ZDHHC17: variants seen among roughly 807,000 people sequenced by gnomAD.
The protein encoded by ZDHHC17 is palmitoyltransferase ZDHHC17.
Under a neutral mutation model 90.3 loss-of-function variants are expected in ZDHHC17, and 40 were observed. That is an observed-to-expected ratio of 0.44 (90% CI 0.34 to 0.58). The LOEUF (loss-of-function observed/expected upper bound fraction) is 0.58, where lower values mean the gene tolerates loss of function less well. ZDHHC17 is among the 20% of genes least tolerant of loss of function. The pLI, the probability that ZDHHC17 is intolerant of heterozygous loss-of-function variation, is 0.01. For missense variants in ZDHHC17, 614 were observed against 780.8 expected (o/e 0.79, Z 2.55); for synonymous variants, 235 against 252.4 (o/e 0.93, Z 0.65).
intron 10 of ZDHHC17, among the ~76,000 whole-genome samples, chr12:76,837,262 A>G (rs1020236202): frequency 6.6e-5 from 10 of 152,176 alleles, no homozygotes; most frequent in Admixed American, 6.5e-4. Context: ...CAGACTCTCA[A>G]GTAGCTAGGA....
intron 1 of ZDHHC17, among the ~76,000 whole-genome samples, chr12:76,771,119 G>A (rs1236165704): frequency 2.0e-5 from 3 of 151,558 alleles, no homozygotes; most frequent in Non-Finnish European, 4.4e-5. Flanking sequence ...TTTTAATTTT[G>A]GAATTTGAAA....
At chr12:76,825,528 A>C (rs917057660) in intron 8 of ZDHHC17, among the ~76,000 whole-genome samples, 1 of 152,216 alleles carries the variant, frequency 6.6e-6, no homozygotes, top group Non-Finnish European at 1.5e-5. Context: ...GTTCATACTT[A>C]TTAGAAAAAA....
chr12:76,823,605 C>T (rs1207758842), intron 8 of ZDHHC17, among the ~76,000 whole-genome samples: 1 of 152,092 alleles, frequency 6.6e-6, no homozygotes, highest in Non-Finnish European at 1.5e-5. Context: ...TTTTGTATAT[C>T]GTGTTTAGGC....
At chr12:76,827,908 T>G (rs888918495) in intron 9 of ZDHHC17, among the ~76,000 whole-genome samples, 1 of 152,116 alleles carries the variant, frequency 6.6e-6, no homozygotes, top group Non-Finnish European at 1.5e-5. Flanking sequence ...AACACAACTC[T>G]TCAGTTTCAC....
intron 2 of ZDHHC17, among the ~76,000 whole-genome samples, chr12:76,798,280 A>G (rs1175564417): frequency 6.6e-6 from 1 of 152,210 alleles, no homozygotes; most frequent in Non-Finnish European, 1.5e-5. Context: ...ATACCAGATT[A>G]TCAGTCTTCG....
At chr12:76,850,459 CTG>C (rs1162657771) in intron 16 of ZDHHC17, among the ~76,000 whole-genome samples, 8 of 152,208 alleles carry the variant, frequency 5.3e-5, no homozygotes, top group African/African-American at 1.9e-4. Context: ...TGGTGCATGT[CTG>C]TAGTCCTAGC....
At position 76,832,354 on chromosome 12, in the gene ZDHHC17, T is replaced by G. The variant is rs1189672026; in HGVS notation, c.1141+3864T>G. 2.0e-5 allele frequency among the ~76,000 whole-genome samples: 3 copies of G among 152,260 alleles called. 1 individual carries two copies. The highest frequency in any genetic ancestry group is 7.2e-5 in the African/African-American group (3 of 41,480). Reference sequence around the variant, plus strand: ...TTCTTGTGCAACTCATGGCTACATATGTAATTAAAACTGATTAGACTAGTT... The same window carrying G: ...TTCTTGTGCAACTCATGGCTACATAGGTAATTAAAACTGATTAGACTAGTT... On this transcript the variant is annotated intron_variant, in intron 10 of 16. Coordinates refer to ENST00000426126, the MANE Select transcript of ZDHHC17 (RefSeq NM_015336.4).
intron 10 of ZDHHC17, among the ~76,000 whole-genome samples, chr12:76,833,837 A>G (rs1953332850): frequency 6.6e-6 from 1 of 152,106 alleles, no homozygotes; most frequent in Admixed American, 6.6e-5. Flanking sequence ...TCTCTTAATC[A>G]TGTGTCAGTA....
At position 76,851,023 on chromosome 12, in the gene ZDHHC17, C is replaced by T; in HGVS notation, c.*38C>T. 6.2e-7 allele frequency: 1 copy of T among 1,611,696 alleles called. No individual in the cohort carries two copies. The highest frequency in any genetic ancestry group is 8.5e-7 in the Non-Finnish European group (1 of 1,179,072). Reference sequence around the variant, plus strand: ...CTATGAAGCATATTGCTGAGTGGTGCCTGAAAATTGTGTCTGTCCGTGTCT... The same window carrying T: ...CTATGAAGCATATTGCTGAGTGGTGTCTGAAAATTGTGTCTGTCCGTGTCT... On this transcript the variant is annotated 3_prime_UTR_variant, in exon 17 of 17. Coordinates refer to ENST00000426126, the MANE Select transcript of ZDHHC17 (RefSeq NM_015336.4).
intron 1 of ZDHHC17, among the ~76,000 whole-genome samples, chr12:76,792,822 T>C (rs1036180666): frequency 6.6e-6 from 1 of 152,182 alleles, no homozygotes; most frequent in South Asian, 2.1e-4. Flanking sequence ...AGCTAAACCT[T>C]TAATTGAAGA....
At chr12:76,776,205 A>G (rs956921520) in intron 1 of ZDHHC17, among the ~76,000 whole-genome samples, 4 of 152,312 alleles carry the variant, frequency 2.6e-5, no homozygotes, top group African/African-American at 9.6e-5. Flanking sequence ...TTATCCTAAC[A>G]TCCGATTTAT....
chr12:76,803,670 C>A (rs1240345049), intron 2 of ZDHHC17, among the ~76,000 whole-genome samples: 1 of 152,152 alleles, frequency 6.6e-6, no homozygotes, highest in African/African-American at 2.4e-5. Flanking sequence ...ATACAGATGG[C>A]CACCAAAACC....
At chr12:76,821,730 C>A (rs1281605237) in intron 7 of ZDHHC17, among the ~76,000 whole-genome samples, 1 of 152,022 alleles carries the variant, frequency 6.6e-6, no homozygotes, top group East Asian at 1.9e-4. Context: ...GAAGCATAGA[C>A]CTAAAATTGG....
Position 76,846,675 on chromosome 12 carries a change from A to G in ZDHHC17, c.1503A>G (p.Ile501Met), listed in dbSNP as rs1327058829. 6.2e-7 allele frequency: 1 copy of G among 1,606,428 alleles called. No homozygotes were observed. Among genetic ancestry groups the G allele is most frequent in the Non-Finnish European group, 8.5e-7 (1 of 1,175,232 alleles). Reference sequence around the variant, plus strand: ...TCTGCTGGATGATTTATGGTTGTATATCTTGTGAGTACAATTAGTTTTCGG... The same window carrying G: ...TCTGCTGGATGATTTATGGTTGTATGTCTTGTGAGTACAATTAGTTTTCGG... ...FMICWMIYGC[I>M]SYWGLHCETT... Residue 501 changes from isoleucine (I) to methionine (M), a missense_variant, in exon 14 of 17, where the codon ATA (isoleucine) becomes ATG (methionine). Around this residue, in one of 5 missense-constraint regions of ZDHHC17, gnomAD observed 111 missense variants for 179.8 expected, o/e 0.62. Transcript: ENST00000426126.
chr12:76,818,550 G>A (rs1953117954), intron 7 of ZDHHC17, among the ~76,000 whole-genome samples: 1 of 152,220 alleles, frequency 6.6e-6, no homozygotes, highest in South Asian at 2.1e-4. Flanking sequence ...AGTGATTTGG[G>A]AATGCCTCTG....
At chr12:76,774,355 C>T (rs1268393809) in intron 1 of ZDHHC17, among the ~76,000 whole-genome samples, 2 of 152,022 alleles carry the variant, frequency 1.3e-5, no homozygotes, top group Non-Finnish European at 1.5e-5. Flanking sequence ...CACACACGCC[C>T]CCCCACCCCC....
At position 76,849,405 on chromosome 12, in the gene ZDHHC17, A is replaced by G. The variant is rs1953537320; in HGVS notation, c.1695A>G (p.Glu565=). 1.3e-6 allele frequency: 2 copies of G among 1,551,820 alleles called. No homozygotes were observed. The highest frequency in any genetic ancestry group is 8.7e-7 in the Non-Finnish European group (1 of 1,146,204). The change falls in exon 16 of 17, where the codon GAA becomes GAG. Residue 565 remains glutamate, a synonymous_variant. Transcript: ENST00000426126. ...CATGTTTAGGTATTACTACAAATGA[A>G]AGAATGAATGCCAGGAGATACAAGC... ...QISCLGITTN[E]RMNARRYKHF... is the part of the protein sequence containing the mutation.
intron 8 of ZDHHC17, among the ~76,000 whole-genome samples, chr12:76,824,067 T>G (rs1953199177): frequency 6.6e-6 from 1 of 152,126 alleles, no homozygotes; most frequent in Admixed American, 6.5e-5. Flanking sequence ...TGTGAATATT[T>G]TGAAGTTTTA....
rs1953581890 is a variant in ZDHHC17 at position 76,852,850 on chromosome 12, G to A, written c.*1865G>A. The A allele has an allele frequency of 6.6e-6, 1 of 152,524 alleles. No homozygotes were observed. The highest frequency in any genetic ancestry group is 1.5e-5 in the Non-Finnish European group (1 of 68,002). The allele number at this position is 152,524 out of a possible 1,614,324, so 9.4% of individuals were successfully genotyped here. ...ATTTTGTCATAGAATGTAAAAATTGGTTAACTTTACAAATGTCAGCTAGTT... is the reference window on the plus strand; with the variant it reads ...ATTTTGTCATAGAATGTAAAAATTGATTAACTTTACAAATGTCAGCTAGTT... On this transcript the variant is annotated 3_prime_UTR_variant, in exon 17 of 17. Transcript: ENST00000426126.
Sources: allele counts gnomAD v4.1 joint callset (sites outside exome capture counted in the v4.1 genomes callset), GRCh38; gene constraint gnomAD v4.1.1; regional missense constraint gnomAD v4.1.1; transcripts MANE v1.5; gene names NCBI Gene and HGNC (gene_info 2026-07-23, HGNC 2026-07-21).